NEK4: variants seen among roughly 807,000 people sequenced by gnomAD.
The protein encoded by NEK4 is serine/threonine-protein kinase Nek4.
Under a neutral mutation model 98.4 loss-of-function variants are expected in NEK4, and 86 were observed. The observed-to-expected ratio is 0.87, with a 90% CI of 0.73 to 1.05. The LOEUF (loss-of-function observed/expected upper bound fraction) is 1.05, where lower values mean the gene tolerates loss of function less well. Among genes scored for constraint, NEK4 ranks in the 50% least tolerant of loss-of-function variants. NEK4 has a pLI of 0.00. For synonymous variants in NEK4, 328 were observed against 342.2 expected (o/e 0.96, Z 0.46); for missense variants, 898 against 950.3 (o/e 0.94, Z 0.72).
Position 52,749,750 on chromosome 3 carries a change from T to C in NEK4, c.1448A>G (p.Asp483Gly), listed in dbSNP as rs1464914780. 2 of 205,714 alleles carry C rather than the reference T, an allele frequency of 9.7e-6. No homozygotes were observed. Among genetic ancestry groups the C allele is most frequent in the South Asian group, 5.1e-5 (1 of 19,458 alleles). The allele number at this position is 205,714 out of a possible 1,614,324, so 12.7% of individuals were successfully genotyped here. ...TACTCGGGAGGCTGAGGCTGGAGAA[T>C]CACTTGAACCCAGGAGGCGGAGGTT... ...HSNLRLLGSS[D>G]SPASASRVAG... Residue 483 changes from aspartate to glycine, a missense_variant, in exon 8 of 16, where the codon GAT becomes GGT. Coordinates refer to ENST00000233027, the MANE Select transcript of NEK4 (RefSeq NM_003157.6).
chr3:52,760,808 T>TG lies in NEK4; in HGVS notation c.949dup (p.Gln317ProfsTer7). 4 of 1,607,810 alleles carry TG rather than the reference T, an allele frequency of 2.5e-6. No homozygotes were observed. The highest frequency in any genetic ancestry group is 3.4e-6 in the Non-Finnish European group (4 of 1,177,312). Reference sequence around the variant, plus strand: ...AAAGAAACGTACCATTATATATGTCTGGGAGCCCTCAGAAGAGAGTGGTTG... The same window carrying TG: ...AAAGAAACGTACCATTATATATGTCTGGGGAGCCCTCAGAAGAGAGTGGTTG... On this transcript the variant is annotated frameshift_variant, in exon 6 of 16. Transcript: ENST00000233027. LOFTEE classifies it high-confidence loss of function.
intron 5 of NEK4, among the ~76,000 whole-genome samples, chr3:52,762,599 T>C (rs1403062210): frequency 1.3e-5 from 2 of 152,166 alleles, no homozygotes; most frequent in Admixed American, 6.6e-5. Context: ...GGCATAAAGA[T>C]TATTTTGGGC....
chr3:52,711,393 CCTA>C lies in NEK4; in HGVS notation c.*381_*383del, dbSNP rs1259193669. The C allele has an allele frequency of 6.4e-6, 1 of 155,878 alleles. No individual in the cohort carries two copies. Among genetic ancestry groups the C allele is most frequent in the African/African-American group, 2.4e-5 (1 of 41,582 alleles). 9.7% of individuals were successfully genotyped at this position (155,878 alleles called of 1,614,324 possible). On this transcript the variant is annotated 3_prime_UTR_variant, in exon 16 of 16. Transcript: ENST00000233027. ...ACGACATATTATGTCATTTGTTTCT[CCTA>C]CTGCTTTTATCTCTACATTACAATA...
rs1447244089 is a variant in NEK4, at chr3:52,768,485, T to G, written c.213A>C (p.Ser71=). The change falls in exon 2 of 16, where the codon TCA becomes TCC. Residue 71 remains serine, a synonymous_variant. Coordinates refer to ENST00000233027, the MANE Select transcript of NEK4 (RefSeq NM_003157.6). The part of the protein sequence containing the change: ...KHPNIVTYKE[S]WEGGDGLLYI... Reference sequence around the variant, plus strand: ...AGAGCAGACCATCTCCTCCTTCCCATGACTCCTTGTAGGTGACAATGTTGG... The same window carrying G: ...AGAGCAGACCATCTCCTCCTTCCCAGGACTCCTTGTAGGTGACAATGTTGG... 6.2e-7 allele frequency: 1 copy of G among 1,614,108 alleles called. No homozygotes were observed. The highest frequency in any genetic ancestry group is 1.3e-5 in the African/African-American group (1 of 74,930).
At chr3:52,768,099 G>A (rs1455272218) in intron 2 of NEK4, among the ~76,000 whole-genome samples, 1 of 152,144 alleles carries the variant, frequency 6.6e-6, no homozygotes, top group Non-Finnish European at 1.5e-5. Context: ...GCTATAAATG[G>A]TAATTGAGTG....
intron 15 of NEK4, among the ~76,000 whole-genome samples, chr3:52,727,751 A>G (rs146961056): frequency 5.8e-4 from 89 of 152,346 alleles, no homozygotes; most frequent in African/African-American, 2.0e-3. Context: ...GATTACAGGC[A>G]TAAGCCACTG....
chr3:52,709,146 T>G lies in NEK4; in HGVS notation c.*2631A>C, dbSNP rs1416171698. On this transcript the variant is annotated 3_prime_UTR_variant, in exon 16 of 16. Transcript: ENST00000233027. ...CTGCAGTGAGCCAAGATCGCACCACTGTACTCCAGCCTGGGCAACAAGAAG... is the reference window on the plus strand; with the variant it reads ...CTGCAGTGAGCCAAGATCGCACCACGGTACTCCAGCCTGGGCAACAAGAAG... 1 of 148,980 alleles carries G rather than the reference T, an allele frequency of 6.7e-6. No individual in the cohort carries two copies. Among genetic ancestry groups the G allele is most frequent in the Non-Finnish European group, 1.5e-5 (1 of 67,654 alleles). 9.2% of individuals were successfully genotyped at this position (148,980 alleles called of 1,614,324 possible).
At chr3:52,732,075 T>C (rs2097370314) in intron 15 of NEK4, among the ~76,000 whole-genome samples, 1 of 152,232 alleles carries the variant, frequency 6.6e-6, no homozygotes, top group Non-Finnish European at 1.5e-5. Flanking sequence ...AGTCAATTAA[T>C]CCTCTTTTCT....
chr3:52,731,604 T>C (rs1018848135), intron 15 of NEK4, among the ~76,000 whole-genome samples: 2 of 152,196 alleles, frequency 1.3e-5, no homozygotes, highest in Admixed American at 1.3e-4. Flanking sequence ...CATAATGAAG[T>C]TGGAGCTTTA....
chr3:52,723,234 C>A (rs2097361647), intron 15 of NEK4, among the ~76,000 whole-genome samples: 1 of 151,930 alleles, frequency 6.6e-6, no homozygotes, highest in African/African-American at 2.4e-5. Flanking sequence ...AAACAAATAT[C>A]AGTAAAGAGA....
At chr3:52,714,630 G>C (rs1338694250) in intron 15 of NEK4, among the ~76,000 whole-genome samples, 1 of 152,230 alleles carries the variant, frequency 6.6e-6, no homozygotes, top group Non-Finnish European at 1.5e-5. Context: ...CACTGCCCTG[G>C]AGGTTGCTAG....
rs957747756 is a variant in NEK4 at position 52,754,694 on chromosome 3, A to C, written c.964-2358T>G. The C allele has an allele frequency of 5.3e-6, 3 of 564,548 alleles. No individual in the cohort carries two copies. The African/African-American group carries it at 5.7e-5, about 11-fold the overall frequency. The allele number at this position is 564,548 out of a possible 1,614,324, so 35.0% of individuals were successfully genotyped here. A position where few individuals can be genotyped will look rare whatever the true frequency, so the allele number is the denominator to read the frequency against. ...AAGAAGAGAAAACAGTAGCAACTTA[A>C]GAGATGGTGAATCTGGTACACCATG... On this transcript the variant is annotated intron_variant, in intron 6 of 15. Coordinates refer to ENST00000233027, the MANE Select transcript of NEK4 (RefSeq NM_003157.6).
intron 15 of NEK4, among the ~76,000 whole-genome samples, chr3:52,729,717 A>C (rs2097367770): frequency 6.6e-6 from 1 of 151,882 alleles, no homozygotes. Flanking sequence ...CTCAAAAAAA[A>C]AAAAAAGATT....
chr3:52,766,771 G>A (rs1284540149), intron 2 of NEK4, among the ~76,000 whole-genome samples: 1 of 152,238 alleles, frequency 6.6e-6, no homozygotes, highest in Non-Finnish European at 1.5e-5. Context: ...TGGATCATGA[G>A]GTCAGGAGAT....
At chr3:52,765,385 A>G (rs1234562951) in intron 4 of NEK4, among the ~76,000 whole-genome samples, 1 of 151,736 alleles carries the variant, frequency 6.6e-6, no homozygotes, top group Non-Finnish European at 1.5e-5. Flanking sequence ...AACCTTAATG[A>G]TACATGGATG....
Position 52,746,056 on chromosome 3 carries a change from C to T in NEK4, c.1827+5G>A, listed in dbSNP as rs1438043417. On this transcript the variant is annotated splice_donor_5th_base_variant and intron_variant, in intron 10 of 15. Coordinates refer to ENST00000233027, the MANE Select transcript of NEK4 (RefSeq NM_003157.6). ...TTTAAAAATCCAGCATATGTTCCCA[C>T]AAACCTTTGATGATGACATCTCACT... 2 of 1,612,642 alleles carry T rather than the reference C, an allele frequency of 1.2e-6. No individual in the cohort carries two copies. The highest frequency in any genetic ancestry group is 1.7e-5 in the Admixed American group (1 of 59,696).
chr3:52,760,837 G>A lies in NEK4; in HGVS notation c.921C>T (p.His307=). ...GEAESNHEVI[H]PQPLSSEGSQ... is the part of the protein sequence containing the mutation. ...AGCCCTCAGAAGAGAGTGGTTGGGG[G>A]TGGATTACTTCATGATTTGATTCTG... Residue 307 remains histidine (H), a synonymous_variant, in exon 6 of 16, where the codon CAC becomes CAT. Coordinates refer to ENST00000233027, the MANE Select transcript of NEK4 (RefSeq NM_003157.6). 1.9e-6 allele frequency: 3 copies of A among 1,610,604 alleles called. No individual in the cohort carries two copies. The highest frequency in any genetic ancestry group is 1.1e-5 in the South Asian group (1 of 90,898).
intron 13 of NEK4, among the ~76,000 whole-genome samples, 177 bp from the exon 14 acceptor site, chr3:52,739,811 C>T (rs1456511420): frequency 1.3e-5 from 2 of 152,126 alleles, no homozygotes; most frequent in African/African-American, 4.8e-5. Context: ...AAATACAAAA[C>T]TCAACAACGT....
In NEK4 at chr3:52,763,532, C is replaced by A. The variant is rs1026943141; in HGVS notation, c.759G>T (p.Arg253Ser). 7 of 1,614,048 alleles carry A rather than the reference C, an allele frequency of 4.3e-6. No homozygotes were observed. The highest frequency in any genetic ancestry group is 5.1e-6 in the Non-Finnish European group (6 of 1,180,014). ...SKRPEERPSVRSILRQPYIKR... is the reference protein window; with the variant it reads ...SKRPEERPSVSSILRQPYIKR... ...TTATATAAGGCTGCCTCAGGATGCT[C>A]CTCACAGACGGCCTTTCTTCAGGCC... Residue 253 changes from arginine (R) to serine (S), a missense_variant, in exon 5 of 16, where the codon AGG becomes AGT. Transcript: ENST00000233027.
Sources: allele counts gnomAD v4.1 joint callset (sites outside exome capture counted in the v4.1 genomes callset), GRCh38; gene constraint gnomAD v4.1.1; transcripts MANE v1.5; gene names NCBI Gene and HGNC (gene_info 2026-07-23, HGNC 2026-07-21).